Variants in PTCD2 observed in about 807,000 individuals in gnomAD.
PTCD2 encodes pentatricopeptide repeat domain 2, also known as pentatricopeptide repeat-containing protein 2, mitochondrial.
In PTCD2, 31 loss-of-function variants were observed where a neutral mutation model predicts 42.6. The observed-to-expected ratio is 0.73, with a 90% CI of 0.55 to 0.98. The LOEUF is 0.98. Ranked by LOEUF, PTCD2 falls within the 50% of genes least tolerant of loss-of-function variation. The pLI is 0.00. For synonymous variants in PTCD2, 183 were observed against 170.9 expected (o/e 1.07, Z -0.55); for missense variants, 476 against 454.8 (o/e 1.05, Z -0.42).
At position 72,350,770 on chromosome 5, in the gene PTCD2, G is replaced by T. The variant is rs16877809; in HGVS notation, c.829-1871G>T. Among the ~76,000 whole-genome samples, 1,370 of 152,272 alleles carry T rather than the reference G, an allele frequency of 9.0e-3. 32 individuals are homozygous for T. The highest frequency in any genetic ancestry group is 0.032 in the African/African-American group (1,314 of 41,548). The stretch of plus-strand genomic sequence containing the variant: ...CTCAACAAATGCAAAATGTTGCCAA[G>T]TAGACTGGTAAGAAAACATAGCTGG... On this transcript the variant is annotated intron_variant, in intron 8 of 9. Coordinates refer to ENST00000380639, the MANE Select transcript of PTCD2 (RefSeq NM_024754.5).
At chr5:72,332,741 A>C (rs1751507028) in intron 4 of PTCD2, among the ~76,000 whole-genome samples, 1 of 152,182 alleles carries the variant, frequency 6.6e-6, no homozygotes, top group Admixed American at 6.5e-5. Flanking sequence ...CATAGGACCT[A>C]ATCCTGCTTC....
chr5:72,344,373 A>G (rs969097818), intron 8 of PTCD2, among the ~76,000 whole-genome samples: 1 of 152,152 alleles, frequency 6.6e-6, no homozygotes, highest in African/African-American at 2.4e-5. Context: ...TTAGCCAGGC[A>G]TGGTGGCACT....
At chr5:72,350,949 T>C (rs1231571325) in intron 8 of PTCD2, among the ~76,000 whole-genome samples, 1 of 152,226 alleles carries the variant, frequency 6.6e-6, no homozygotes, top group Admixed American at 6.5e-5. Flanking sequence ...GTGCACATTG[T>C]TCAGTATAAT....
rs567706710 is a variant in PTCD2, at chr5:72,358,602, C to G, written c.*175C>G. The G allele has an allele frequency of 1.9e-4, 117 of 610,452 alleles. No individual in the cohort carries two copies. The highest frequency in any genetic ancestry group is 1.7e-4 in the Non-Finnish European group (57 of 343,986). The allele number at this position is 610,452 out of a possible 1,614,324, so 37.8% of individuals were successfully genotyped here. A position where few individuals can be genotyped will look rare whatever the true frequency, so the allele number is the denominator to read the frequency against. On this transcript the variant is annotated 3_prime_UTR_variant, in exon 10 of 10. Transcript: ENST00000380639. ...CGATCTCTGAGAAGTTATGTTGCAC[C>G]ACTGTGAAGGTCTAGATGCAAGCTT... is the stretch of plus-strand genomic sequence containing the variant.
rs918173960 is a variant in PTCD2, at chr5:72,362,932, A to G, written c.*4505A>G. ...AAACAATCCTGGGCAATATTTGTTG[A>G]TAGTTTTGTTGAGGATGATTCAGGA... is the stretch of plus-strand genomic sequence containing the variant. On this transcript the variant is annotated 3_prime_UTR_variant, in exon 10 of 10. Coordinates refer to ENST00000380639, the MANE Select transcript of PTCD2 (RefSeq NM_024754.5). The G allele has an allele frequency of 6.6e-6, 1 of 152,202 alleles. No homozygotes were observed. Among genetic ancestry groups the G allele is most frequent in the African/African-American group, 2.4e-5 (1 of 41,452 alleles). The allele number at this position is 152,202 out of a possible 1,614,324, so 9.4% of individuals were successfully genotyped here.
In PTCD2 at chr5:72,335,109, A is replaced by G. The variant is rs1338779303; in HGVS notation, c.547+13A>G. On this transcript the variant is annotated intron_variant, in intron 5 of 9. Coordinates refer to ENST00000380639, the MANE Select transcript of PTCD2 (RefSeq NM_024754.5). ...GGCAAATATAAAAGTAAGTACTGCAATTTCTATTTGCTGAAAAATTCTGCC... is the reference window on the plus strand; with the variant it reads ...GGCAAATATAAAAGTAAGTACTGCAGTTTCTATTTGCTGAAAAATTCTGCC... 7.1e-7 allele frequency: 1 copy of G among 1,416,548 alleles called. No individual in the cohort carries two copies. The allele number at this position is 1,416,548 out of a possible 1,614,324, so 87.7% of individuals were successfully genotyped here.
rs780975928 is a variant in PTCD2 at position 72,352,722 on chromosome 5, T to C, written c.910T>C (p.Phe304Leu). Reference sequence around the variant, plus strand: ...TGCTGCAGAAGGAAATTTATCAAAATTTGTGAAAAGACATGTGTTCTCGGA... The same window carrying C: ...TGCTGCAGAAGGAAATTTATCAAAACTTGTGAAAAGACATGTGTTCTCGGA... ...KNAAEGNLSK[F>L]VKRHVFSEEV... is the part of the protein sequence containing the mutation. The change falls in exon 9 of 10, where the codon TTT becomes CTT. Residue 304 changes from phenylalanine (F) to leucine (L), a missense_variant. Phe to Leu is a conservative substitution (Grantham distance 22). Coordinates refer to ENST00000380639, the MANE Select transcript of PTCD2 (RefSeq NM_024754.5). 1.2e-6 allele frequency: 2 copies of C among 1,601,836 alleles called. No homozygotes were observed. The highest frequency in any genetic ancestry group is 3.3e-5 in the Admixed American group (2 of 59,926).
chr5:72,362,009 G>A lies in PTCD2; in HGVS notation c.*3582G>A, dbSNP rs1753106493. ...GTGCCATGTCTGTCCTTTCTGCTCT[G>A]TTTGCTGGGTGCCTAGCATGGTAGG... On this transcript the variant is annotated 3_prime_UTR_variant, in exon 10 of 10. Transcript: ENST00000380639. 6.6e-6 allele frequency: 1 copy of A among 152,210 alleles called. No homozygotes were observed. The highest frequency in any genetic ancestry group is 2.1e-4 in the South Asian group (1 of 4,820). The allele number at this position is 152,210 out of a possible 1,614,324, so 9.4% of individuals were successfully genotyped here. A position where few individuals can be genotyped will look rare whatever the true frequency, so the allele number is the denominator to read the frequency against.
intron 8 of PTCD2, among the ~76,000 whole-genome samples, chr5:72,352,026 TAAGTACCAGTC>T (rs1425645439): frequency 6.6e-6 from 1 of 152,230 alleles, no homozygotes; most frequent in African/African-American, 2.4e-5. Flanking sequence ...ATTGAAAGAT[TAAGTACCAGTC>T]CAGAGTCACT....
At position 72,358,383 on chromosome 5, in the gene PTCD2, C is replaced by T. The variant is rs749096342; in HGVS notation, c.1123C>T (p.Arg375Cys). The T allele has an allele frequency of 5.0e-6, 8 of 1,613,584 alleles. No homozygotes were observed. The highest frequency in any genetic ancestry group is 3.3e-4 in the Middle Eastern group (2 of 5,992). Residue 375 changes from arginine (R) to cysteine (C), a missense_variant, in exon 10 of 10, where the codon CGT becomes TGT. Physicochemically the swap from Arg to Cys is radical, Grantham distance 180. Transcript: ENST00000380639. ...GCTATTAAACAAGAGGATGGTCAGCCGTCGCACCTTCCAGCCACTCAGCCA... is the reference window on the plus strand; with the variant it reads ...GCTATTAAACAAGAGGATGGTCAGCTGTCGCACCTTCCAGCCACTCAGCCA... ...TLLLNKRMVS[R>C]RTFQPLSQSL...
chr5:72,354,382 GAAAAAAAAAAAAAA>G (rs35170727), intron 9 of PTCD2, among the ~76,000 whole-genome samples: 41 of 29,812 alleles, frequency 1.4e-3, no homozygotes, highest in African/African-American at 5.6e-3. Context: ...GACTCCATCT[GAAAAAAAAAAAAAA>G]AAAAAAAAAA....
chr5:72,322,247 A>G lies in PTCD2; in HGVS notation c.203A>G (p.Asn68Ser), dbSNP rs1199468174. 1 of 1,590,326 alleles carries G rather than the reference A, an allele frequency of 6.3e-7. No individual in the cohort carries two copies. Among genetic ancestry groups the G allele is most frequent in the South Asian group, 1.1e-5 (1 of 90,490 alleles). ...FQQKKVAVAC[N>S]LSGTKETYFR... ...CAAAAGAAAGTGGCTGTTGCATGTAATCTTTCTGGCACTAAAGGTAATAGA... is the reference window on the plus strand; with the variant it reads ...CAAAAGAAAGTGGCTGTTGCATGTAGTCTTTCTGGCACTAAAGGTAATAGA... Residue 68 changes from asparagine (N) to serine (S), a missense_variant, in exon 2 of 10, where the codon AAT becomes AGT. Coordinates refer to ENST00000380639, the MANE Select transcript of PTCD2 (RefSeq NM_024754.5).
rs1751167529 is a variant in PTCD2, at chr5:72,326,863, T to G, written c.350+122T>G. The G allele has an allele frequency of 3.2e-6, 3 of 940,876 alleles. No homozygotes were observed. In the East Asian group the frequency reaches 7.4e-5, roughly 23 times the overall value. 58.3% of individuals were successfully genotyped at this position (940,876 alleles called of 1,614,324 possible). A position where few individuals can be genotyped will look rare whatever the true frequency, so the allele number is the denominator to read the frequency against. ...ATACTAGTGACTTCCAGATCTCTTG[T>G]TCGGATGCCTACCTTGAACTCCAGA... On this transcript the variant is annotated intron_variant, in intron 3 of 9. Coordinates refer to ENST00000380639, the MANE Select transcript of PTCD2 (RefSeq NM_024754.5).
At chr5:72,322,040 T>C (rs1750884811) in intron 1 of PTCD2, 132 bp from the exon 2 acceptor site, 6 of 571,066 alleles carry the variant, frequency 1.1e-5, no homozygotes, top group African/African-American at 1.9e-5. Context: ...GTACAGTTTG[T>C]ACAGTTATAT....
rs1753092242 is a variant in PTCD2 at position 72,361,430 on chromosome 5, C to G, written c.*3003C>G. 2 of 152,314 alleles carry G rather than the reference C, an allele frequency of 1.3e-5. No individual in the cohort carries two copies. Among genetic ancestry groups the G allele is most frequent in the South Asian group, 4.1e-4 (2 of 4,832 alleles). 9.4% of individuals were successfully genotyped at this position (152,314 alleles called of 1,614,324 possible). ...AGCTAGTGCTGGGGCTGGAACATGTCTACACATAGCTTCCCCACAGCATGG... is the reference window on the plus strand; with the variant it reads ...AGCTAGTGCTGGGGCTGGAACATGTGTACACATAGCTTCCCCACAGCATGG... On this transcript the variant is annotated 3_prime_UTR_variant, in exon 10 of 10. Transcript: ENST00000380639.
intron 8 of PTCD2, among the ~76,000 whole-genome samples, chr5:72,343,778 C>CA (rs1044588271): frequency 2.0e-5 from 3 of 152,224 alleles, no homozygotes; most frequent in African/African-American, 7.2e-5. Context: ...AGCAGTGTGT[C>CA]ACAAAACCTT....
chr5:72,352,624 G>A lies in PTCD2; in HGVS notation c.829-17G>A, dbSNP rs1322731091. On this transcript the variant is annotated splice_polypyrimidine_tract_variant and intron_variant, in intron 8 of 9. Transcript: ENST00000380639. The stretch of plus-strand genomic sequence containing the variant: ...CTCACTCAGTCTTGGTTTTGCTTGT[G>A]TCTTCTTAATATTCAGATTATAATC... 33 of 1,309,132 alleles carry A rather than the reference G, an allele frequency of 2.5e-5. No individual in the cohort carries two copies. Among genetic ancestry groups the A allele is most frequent in the Non-Finnish European group, 3.6e-5 (33 of 909,024 alleles). 81.1% of individuals were successfully genotyped at this position (1,309,132 alleles called of 1,614,324 possible).
chr5:72,330,927 T>C (rs1395315835), intron 3 of PTCD2, among the ~76,000 whole-genome samples: 2 of 152,208 alleles, frequency 1.3e-5, no homozygotes, highest in Admixed American at 6.5e-5. Context: ...TTACAGATGC[T>C]ACTAGACTCC....
At chr5:72,333,148 GC>G (rs922015298) in intron 4 of PTCD2, among the ~76,000 whole-genome samples, 1 of 152,064 alleles carries the variant, frequency 6.6e-6, no homozygotes, top group African/African-American at 2.4e-5. Context: ...GACCTAGGGG[GC>G]CCATTGTGCC....
Sources: allele counts gnomAD v4.1 joint callset (sites outside exome capture counted in the v4.1 genomes callset), GRCh38; gene constraint gnomAD v4.1.1; transcripts MANE v1.5; gene names NCBI Gene and HGNC (gene_info 2026-07-23, HGNC 2026-07-21).